Variants in SNTB1 observed in about 807,000 individuals in gnomAD.
SNTB1 encodes the protein syntrophin beta 1, also known as beta-1-syntrophin.
A neutral mutation model predicts 48.9 loss-of-function variants in SNTB1; 36 were observed. The observed-to-expected ratio is 0.74, with a 90% CI of 0.56 to 0.97. The LOEUF (loss-of-function observed/expected upper bound fraction) is 0.97. Among genes scored for constraint, SNTB1 ranks in the 50% least tolerant of loss-of-function variants. The probability of loss-of-function intolerance (pLI) is 0.00; values close to 1 mark genes in which losing one functional copy is unlikely to be tolerated. For synonymous variants in SNTB1, 299 were observed against 294.6 expected (o/e 1.01, Z -0.15); for missense variants, 786 against 703.4 (o/e 1.12, Z -1.33).
At chr8:120,794,997 T>C (rs1402026318) in intron 1 of SNTB1, among the ~76,000 whole-genome samples, 3 of 152,044 alleles carry the variant, frequency 2.0e-5, no homozygotes, top group African/African-American at 7.2e-5. Context: ...ATTTTGAAAG[T>C]CACATAAATA....
intron 3 of SNTB1, among the ~76,000 whole-genome samples, chr8:120,582,124 CAG>C (rs1816058665): frequency 6.6e-6 from 1 of 152,168 alleles, no homozygotes; most frequent in African/African-American, 2.4e-5. Flanking sequence ...ACAAGATAGA[CAG>C]TACTCTGGGC....
chr8:120,563,275 T>C (rs1815692515), intron 4 of SNTB1, among the ~76,000 whole-genome samples: 1 of 150,994 alleles, frequency 6.6e-6, no homozygotes, highest in African/African-American at 2.4e-5. Flanking sequence ...TCTTACTCCA[T>C]ACAAGTGAGC....
At chr8:120,730,927 G>A (rs1392581753) in intron 1 of SNTB1, among the ~76,000 whole-genome samples, 3 of 151,760 alleles carry the variant, frequency 2.0e-5, no homozygotes, top group African/African-American at 4.8e-5. Flanking sequence ...TGAGACTACC[G>A]TGGCCAACAT....
intron 1 of SNTB1, among the ~76,000 whole-genome samples, chr8:120,776,103 A>T (rs901875680): frequency 6.6e-6 from 1 of 152,186 alleles, no homozygotes; most frequent in Non-Finnish European, 1.5e-5. Flanking sequence ...TACCCAAAGG[A>T]TTATAAATCA....
At chr8:120,774,747 G>T (rs181931064) in intron 1 of SNTB1, among the ~76,000 whole-genome samples, 105 of 152,188 alleles carry the variant, frequency 6.9e-4, no homozygotes, top group African/African-American at 2.2e-3. Context: ...CTCTGCCTCT[G>T]GGTTCAAACC....
At chr8:120,790,650 A>G (rs1440142547) in intron 1 of SNTB1, among the ~76,000 whole-genome samples, 2 of 152,146 alleles carry the variant, frequency 1.3e-5, no homozygotes, top group East Asian at 3.9e-4. Context: ...AAAAAATAAA[A>G]TAAAATAAAA....
chr8:120,554,305 T>C (rs769394218), intron 4 of SNTB1, among the ~76,000 whole-genome samples: 39 of 152,188 alleles, frequency 2.6e-4, no homozygotes, highest in South Asian at 4.1e-4. Flanking sequence ...CCTGAGCTGC[T>C]GGGACAGGCT....
intron 2 of SNTB1, among the ~76,000 whole-genome samples, chr8:120,635,017 A>C (rs1817051365): frequency 6.6e-6 from 1 of 152,096 alleles, no homozygotes; most frequent in African/African-American, 2.4e-5. Flanking sequence ...GCACCCAGCT[A>C]ATTTTTTTGG....
chr8:120,663,850 G>T (rs757570783), intron 2 of SNTB1, among the ~76,000 whole-genome samples: 6 of 152,126 alleles, frequency 3.9e-5, no homozygotes. Flanking sequence ...AAGAGAGAAT[G>T]CTTGAGATAC....
chr8:120,810,904 A>C (rs1820414575), intron 1 of SNTB1, among the ~76,000 whole-genome samples: 1 of 151,850 alleles, frequency 6.6e-6, no homozygotes, highest in Non-Finnish European at 1.5e-5. Flanking sequence ...TTCACCCTTC[A>C]TTCTCAATTC....
chr8:120,614,353 C>T (rs1816673208), intron 3 of SNTB1, among the ~76,000 whole-genome samples: 3 of 152,266 alleles, frequency 2.0e-5, no homozygotes, highest in Admixed American at 1.3e-4. Flanking sequence ...AACTAGTGGC[C>T]AGAAACACAG....
chr8:120,708,467 T>C (rs1818413495), intron 1 of SNTB1, among the ~76,000 whole-genome samples: 1 of 152,036 alleles, frequency 6.6e-6, no homozygotes, highest in Admixed American at 6.6e-5. Context: ...GAAGCTAATA[T>C]AACTTTAATA....
chr8:120,571,277 C>T, intron 4 of SNTB1: 1 of 1,285,766 alleles, frequency 7.8e-7, no homozygotes, highest in Non-Finnish European at 1.0e-6. Context: ...TTCTTAGTAA[C>T]TGGAATCCAG....
chr8:120,740,571 G>A (rs866712205), intron 1 of SNTB1, among the ~76,000 whole-genome samples: 1 of 152,066 alleles, frequency 6.6e-6, no homozygotes. Context: ...GTGGGGAACT[G>A]GAACTGGCTT....
chr8:120,556,405 C>T (rs1815568174), intron 4 of SNTB1, among the ~76,000 whole-genome samples: 1 of 152,120 alleles, frequency 6.6e-6, no homozygotes, highest in Non-Finnish European at 1.5e-5. Flanking sequence ...GATTATGGCA[C>T]AAAGACAAAG....
intron 3 of SNTB1, among the ~76,000 whole-genome samples, chr8:120,608,954 A>C (rs1447979245): frequency 6.6e-6 from 1 of 152,232 alleles, no homozygotes; most frequent in Non-Finnish European, 1.5e-5. Context: ...GTGTAAAATA[A>C]GATGATAAAT....
At chr8:120,657,696 A>G (rs1324957860) in intron 2 of SNTB1, among the ~76,000 whole-genome samples, 1 of 152,222 alleles carries the variant, frequency 6.6e-6, no homozygotes, top group East Asian at 1.9e-4. Context: ...ATGTAAAATA[A>G]TAAGATTTAT....
chr8:120,703,022 TAAA>T (rs1587101113), intron 1 of SNTB1, among the ~76,000 whole-genome samples: 1 of 152,060 alleles, frequency 6.6e-6, no homozygotes, highest in Non-Finnish European at 1.5e-5. Flanking sequence ...TCAGAAAAAA[TAAA>T]AACTCAGGGA....
chr8:120,711,688 C>A (rs1818466929), intron 1 of SNTB1, among the ~76,000 whole-genome samples: 1 of 152,080 alleles, frequency 6.6e-6, no homozygotes, highest in Non-Finnish European at 1.5e-5. Flanking sequence ...AAGTATATGA[C>A]CTCATTAGAC....
Sources: allele counts gnomAD v4.1 joint callset (sites outside exome capture counted in the v4.1 genomes callset), GRCh38; gene constraint gnomAD v4.1.1; transcripts MANE v1.5; gene names NCBI Gene and HGNC (gene_info 2026-07-23, HGNC 2026-07-21).